Variants in TTC21A observed in about 807,000 individuals in gnomAD.
The protein encoded by TTC21A is tetratricopeptide repeat protein 21A.
In TTC21A, 128 loss-of-function variants were observed where a neutral mutation model predicts 156.4. The ratio of observed to expected loss-of-function variants is 0.82; its 90% CI spans 0.71 to 0.95. The LOEUF (loss-of-function observed/expected upper bound fraction) is 0.95. Ranked by LOEUF, TTC21A falls within the 40% of genes least tolerant of loss-of-function variation. TTC21A has a pLI of 0.00. For missense variants in TTC21A, 1,435 were observed against 1,602.3 expected (o/e 0.90, Z 1.78); for synonymous variants, 587 against 617.1 (o/e 0.95, Z 0.72).
chr3:39,119,151 G>A (rs558605560), intron 7 of TTC21A: 1 of 152,130 alleles, frequency 6.6e-6, no homozygotes, highest in Non-Finnish European at 1.5e-5. Flanking sequence ...TTCAAACCTT[G>A]GGACCTCCCC....
intron 9 of TTC21A, among the ~76,000 whole-genome samples, chr3:39,122,235 C>T (rs1027377289): frequency 1.3e-5 from 2 of 151,610 alleles, no homozygotes; most frequent in Non-Finnish European, 2.9e-5. Context: ...CACTTGAACC[C>T]GGGAGATGGA....
chr3:39,108,360 A>C, intron 1 of TTC21A: 2 of 159,072 alleles, frequency 1.3e-5, no homozygotes, highest in Non-Finnish European at 1.4e-5. Context: ...CCTCCCTCCC[A>C]TCTGGTTTCT....
chr3:39,109,729 G>T (rs1392048852), intron 2 of TTC21A, among the ~76,000 whole-genome samples: 1 of 152,218 alleles, frequency 6.6e-6, no homozygotes, highest in Non-Finnish European at 1.5e-5. Flanking sequence ...AGCTGAGAAT[G>T]CCCTGCCTGA....
In TTC21A at chr3:39,130,493, G is replaced by A; in HGVS notation, c.2319+135G>A. On this transcript the variant is annotated intron_variant, in intron 17 of 28. Coordinates refer to ENST00000683103, the MANE Select transcript of TTC21A (RefSeq NM_001366900.1). This position sits in a 1 kb window ranked among gnomAD's most constrained non-coding sequence, Gnocchi z 4.5. ...CACTCAGCTCCTTGCTGAATGGGGT[G>A]CCAAGGGGAGAACTCAGCAACTCTC... is the stretch of plus-strand genomic sequence containing the variant. 2 of 926,042 alleles carry A rather than the reference G, an allele frequency of 2.2e-6. No individual in the cohort carries two copies. The highest frequency in any genetic ancestry group is 1.6e-5 in the South Asian group (1 of 61,048). The allele number at this position is 926,042 out of a possible 1,614,324, so 57.4% of individuals were successfully genotyped here. A position where few individuals can be genotyped will look rare whatever the true frequency, so the allele number is the denominator to read the frequency against.
At chr3:39,125,191 C>T (rs749779648) in intron 10 of TTC21A, 31 bp downstream of exon 10, 3 of 1,569,964 alleles carry the variant, frequency 1.9e-6, no homozygotes, top group South Asian at 2.2e-5. Context: ...TGGGTTGCTC[C>T]AGGATGATGT....
intron 22 of TTC21A, among the ~76,000 whole-genome samples, chr3:39,135,765 A>T (rs1269612081): frequency 6.6e-6 from 1 of 152,152 alleles, no homozygotes; most frequent in East Asian, 1.9e-4. Flanking sequence ...CAATAAGAGT[A>T]CCTACCTAGG....
chr3:39,133,959 G>A (rs541416643), intron 20 of TTC21A, among the ~76,000 whole-genome samples: 2 of 152,330 alleles, frequency 1.3e-5, no homozygotes, highest in Non-Finnish European at 1.5e-5. Context: ...GGCTCTCAGA[G>A]CAGTGAGGCC....
At chr3:39,109,283 T>A in intron 2 of TTC21A, 69 bp downstream of exon 2, 1 of 1,536,176 alleles carries the variant, frequency 6.5e-7, no homozygotes, top group Non-Finnish European at 8.9e-7. Context: ...TGGCTCCACC[T>A]GGATGCCTTC....
chr3:39,108,213 A>C (rs2036414011), intron 1 of TTC21A: 4 of 488,568 alleles, frequency 8.2e-6, no homozygotes, highest in African/African-American at 2.0e-5. Flanking sequence ...CTTAACTCAT[A>C]CCTCTTCCCT....
In TTC21A at chr3:39,119,924, T is replaced by C. The variant is rs772087855; in HGVS notation, c.804T>C (p.Ala268=). The change falls in exon 8 of 29, where the codon GCT becomes GCC. Residue 268 remains alanine (A), a splice_region_variant and synonymous_variant. Coordinates refer to ENST00000683103, the MANE Select transcript of TTC21A (RefSeq NM_001366900.1). ...CATTCTCTGTTTTGTCCCTGCAGGC[T>C]ACCAATCACGTTAGAAATCTGATTA... ...ELAREGNMTT[A]TNHVRNLIKA... 1.2e-6 allele frequency: 2 copies of C among 1,601,168 alleles called. No individual in the cohort carries two copies. Among genetic ancestry groups the C allele is most frequent in the Admixed American group, 3.3e-5 (2 of 59,838 alleles).
At chr3:39,135,057 G>A (rs1385374251) in intron 21 of TTC21A, 36 bp from the exon 22 acceptor site, 4 of 1,599,742 alleles carry the variant, frequency 2.5e-6, no homozygotes, top group South Asian at 2.2e-5. Flanking sequence ...AGCTGCCACT[G>A]TTGGGAAATC....
rs778854881 is a variant in TTC21A at position 39,130,085 on chromosome 3, C to A, written c.2142C>A (p.Leu714=). ...TGGTTACTCTTGCTTGCAGTGAGCT[C>A]TGTGAACATCTGCCTGGCCCCCACA... ...RRLYIRCYRE[L]CEHLPGPHTS... Residue 714 remains leucine (L), a synonymous_variant, in exon 16 of 29, where the codon CTC becomes CTA. Transcript: ENST00000683103. The surrounding 1 kb of genome is among the most constrained non-coding windows in gnomAD (Gnocchi z 4.5). 5 of 1,614,020 alleles carry A rather than the reference C, an allele frequency of 3.1e-6. No individual in the cohort carries two copies.
At chr3:39,135,591 G>A (rs2039051585) in intron 22 of TTC21A, among the ~76,000 whole-genome samples, 1 of 152,206 alleles carries the variant, frequency 6.6e-6, no homozygotes, top group Non-Finnish European at 1.5e-5. Context: ...GCCCTGGCAG[G>A]CCCATGGCAG....
chr3:39,138,885 GAC>G lies in TTC21A; in HGVS notation c.*101_*102del, dbSNP rs1363596668. On this transcript the variant is annotated 3_prime_UTR_variant, in exon 29 of 29. Transcript: ENST00000683103. ...TCAGTGGAGAAGGGATTCAGAAAAT[GAC>G]ACATTCTTCCCCATTTCTATAGTGT... 1.1e-6 allele frequency: 1 copy of G among 952,276 alleles called. No individual in the cohort carries two copies. The highest frequency in any genetic ancestry group is 1.6e-5 in the African/African-American group (1 of 61,462). The allele number at this position is 952,276 out of a possible 1,614,324, so 59.0% of individuals were successfully genotyped here.
chr3:39,138,283 A>T lies in TTC21A; in HGVS notation c.3692A>T (p.Tyr1231Phe), dbSNP rs576668146. The T allele has an allele frequency of 1.2e-6, 2 of 1,614,050 alleles. No individual in the cohort carries two copies. The highest frequency in any genetic ancestry group is 2.2e-5 in the East Asian group (1 of 44,900). ...VQYNKSCYKA[Y>F]EYMGFIMEKE... is the part of the protein sequence containing the mutation. ...TCCCTGCAGTCCTGCTACAAGGCCT[A>T]TGAGTACATGGGCTTCATCATGGAG... Residue 1231 changes from tyrosine to phenylalanine, a missense_variant, in exon 27 of 29, where the codon TAT becomes TTT. Transcript: ENST00000683103.
At chr3:39,132,412 A>G (rs946119492) in intron 19 of TTC21A, among the ~76,000 whole-genome samples, 1 of 152,052 alleles carries the variant, frequency 6.6e-6, no homozygotes, top group African/African-American at 2.4e-5. Context: ...TTTTCCCCCC[A>G]GGGGTGTGGC....
intron 19 of TTC21A, among the ~76,000 whole-genome samples, chr3:39,131,359 A>T (rs189905190): frequency 6.3e-4 from 96 of 152,346 alleles, no homozygotes; most frequent in African/African-American, 2.2e-3. Context: ...TAGTAGAGAT[A>T]ATAAGGATGG....
At chr3:39,133,005 T>C in intron 19 of TTC21A, 47 bp from the exon 20 acceptor site, 1 of 1,589,962 alleles carries the variant, frequency 6.3e-7, no homozygotes, top group Non-Finnish European at 8.6e-7. Context: ...TGTGAACTGG[T>C]ATGTCAGGCT....
In TTC21A at chr3:39,110,116, C is replaced by T. The variant is rs1451446176; in HGVS notation, c.245C>T (p.Ala82Val). 2 of 1,613,978 alleles carry T rather than the reference C, an allele frequency of 1.2e-6. No homozygotes were observed. Among genetic ancestry groups the T allele is most frequent in the Admixed American group, 3.3e-5 (2 of 60,026 alleles). Residue 82 changes from alanine to valine, a missense_variant, in exon 3 of 29, where the codon GCT (alanine) becomes GTT (valine). By Grantham distance (64) the Ala-to-Val change is moderately conservative. Coordinates refer to ENST00000683103, the MANE Select transcript of TTC21A (RefSeq NM_001366900.1). Reference sequence around the variant, plus strand: ...TGCTCCACCATGGCCCTCATTTATGCTCACAAAAGATGTGAAATCATTGGT... The same window carrying T: ...TGCTCCACCATGGCCCTCATTTATGTTCACAAAAGATGTGAAATCATTGGT... ...SLCSTMALIY[A>V]HKRCEIIDRE... is the part of the protein sequence containing the mutation.
Sources: allele counts gnomAD v4.1 joint callset (sites outside exome capture counted in the v4.1 genomes callset), GRCh38; gene constraint gnomAD v4.1.1; non-coding constraint Gnocchi (gnomAD v3.1); transcripts MANE v1.5; gene names NCBI Gene and HGNC (gene_info 2026-07-23, HGNC 2026-07-21).